Variants in COL23A1 observed in about 807,000 individuals in gnomAD.
COL23A1 encodes collagen type XXIII alpha 1 chain.
In COL23A1, 97 loss-of-function variants were observed where a neutral mutation model predicts 99.3. That is an observed-to-expected ratio of 0.98 (90% confidence interval 0.83 to 1.16). COL23A1 has a LOEUF of 1.16. Ranked by LOEUF, COL23A1 falls within the 50% of genes most tolerant of loss-of-function variation. COL23A1 has a pLI of 0.00. For missense variants in COL23A1, 762 were observed against 757.4 expected, an observed-to-expected ratio of 1.01 and a Z score of -0.07; for synonymous variants, 320 against 308.2, an observed-to-expected ratio of 1.04 and a Z score of -0.40.
intron 1 of COL23A1, among the ~76,000 whole-genome samples, chr5:178,583,868 A>C (rs1000867654): frequency 1.4e-4 from 21 of 152,050 alleles, no homozygotes; most frequent in Non-Finnish European, 2.4e-4. Context: ...TTTCTCCCCA[A>C]TTTTTATTTG....
chr5:178,333,467 C>T (rs1334848642), intron 2 of COL23A1, among the ~76,000 whole-genome samples: 9 of 152,144 alleles, frequency 5.9e-5, no homozygotes, highest in Admixed American at 1.3e-4. Context: ...TATCTCTGTC[C>T]CTTATCCAGG....
At chr5:178,288,173 A>G in intron 5 of COL23A1, 151 bp downstream of exon 5, 1 of 802,968 alleles carries the variant, frequency 1.2e-6, no homozygotes, top group Non-Finnish European at 2.2e-6. Flanking sequence ...TTACCTCCCC[A>G]GAGCTCACGC....
intron 2 of COL23A1, among the ~76,000 whole-genome samples, chr5:178,548,540 T>A (rs1353169053): frequency 7.0e-6 from 1 of 142,430 alleles, no homozygotes; most frequent in African/African-American, 2.6e-5. Flanking sequence ...CCTATCCACA[T>A]CCTTTGCCTA....
Position 178,309,907 on chromosome 5 carries a change from C to T in COL23A1, c.362-2988G>A, listed in dbSNP as rs1270358371. ...TGTCCCCAACTCCCACTGCAGGACACGACCAAGTGATGTGTGTTCAGGGGA... is the reference window on the plus strand; with the variant it reads ...TGTCCCCAACTCCCACTGCAGGACATGACCAAGTGATGTGTGTTCAGGGGA... On this transcript the variant is annotated intron_variant, in intron 2 of 28. Coordinates refer to ENST00000390654, the MANE Select transcript of COL23A1 (RefSeq NM_173465.4). The surrounding 1 kb of genome is among the most constrained non-coding windows in gnomAD (Gnocchi z 4.7). Among the ~76,000 whole-genome samples, 4 of 150,046 alleles carry T rather than the reference C, an allele frequency of 2.7e-5. No individual in the cohort carries two copies. The highest frequency in any genetic ancestry group is 4.4e-5 in the Non-Finnish European group (3 of 67,596).
intron 2 of COL23A1, among the ~76,000 whole-genome samples, chr5:178,380,101 C>A (rs1161743689): frequency 6.6e-6 from 1 of 151,364 alleles, no homozygotes; most frequent in Non-Finnish European, 1.5e-5. Context: ...GATCTATACA[C>A]AAAATTCTAC....
At position 178,590,231 on chromosome 5, in the gene COL23A1, G is replaced by A. The variant is rs1764202705; in HGVS notation, c.-34C>T. 1 of 1,208,588 alleles carries A rather than the reference G, an allele frequency of 8.3e-7. No homozygotes were observed. Among genetic ancestry groups the A allele is most frequent in the Non-Finnish European group, 1.0e-6 (1 of 972,390 alleles). The allele number at this position is 1,208,588 out of a possible 1,614,324, so 74.9% of individuals were successfully genotyped here. On this transcript the variant is annotated 5_prime_UTR_variant, in exon 1 of 29. Coordinates refer to ENST00000390654, the MANE Select transcript of COL23A1 (RefSeq NM_173465.4). This position sits in a 1 kb window ranked among gnomAD's most constrained non-coding sequence, Gnocchi z 5.7. The stretch of plus-strand genomic sequence containing the variant: ...CGTCGCGCGTGGACTCTCCGAGGGG[G>A]CGGTGCTGCTGGGGCAGAGGCTGGG...
Position 178,307,086 on chromosome 5 carries a change from C to T in COL23A1, c.362-167G>A, listed in dbSNP as rs1218494298. 6.6e-6 allele frequency among the ~76,000 whole-genome samples: 1 copy of T among 152,126 alleles called. No homozygotes were observed. Among genetic ancestry groups the T allele is most frequent in the Non-Finnish European group, 1.5e-5 (1 of 68,008 alleles). On this transcript the variant is annotated intron_variant, in intron 2 of 28. Transcript: ENST00000390654. This position sits in a 1 kb window ranked among gnomAD's most constrained non-coding sequence, Gnocchi z 4.2. ...GGGGGAGATGCGTGGGGAGAAACCCCTTCCTTCTGCCACTACCTCGCCTGT... is the reference window on the plus strand; with the variant it reads ...GGGGGAGATGCGTGGGGAGAAACCCTTTCCTTCTGCCACTACCTCGCCTGT...
intron 2 of COL23A1, among the ~76,000 whole-genome samples, chr5:178,381,156 C>A (rs10040822): frequency 0.019 from 2,908 of 152,348 alleles, 100 homozygotes; most frequent in African/African-American, 0.066. Flanking sequence ...TCATCCACTC[C>A]ACCTGTGAGG....
intron 5 of COL23A1, 121 bp from the exon 6 acceptor site, chr5:178,270,484 G>T (rs368094332): frequency 8.2e-7 from 1 of 1,212,280 alleles, no homozygotes; most frequent in East Asian, 2.5e-5. Flanking sequence ...CCCGCGTCTG[G>T]GTTCAGTCCA....
rs551595992 is a variant in COL23A1, at chr5:178,495,577, T to C, written c.361+65105A>G. 3.9e-5 allele frequency among the ~76,000 whole-genome samples: 6 copies of C among 151,988 alleles called. 1 individual carries two copies. The South Asian group carries it at 1.2e-3, about 32-fold the overall frequency. ...GAGTTGACTGTAGGGCACCAATGCA[T>C]GGAAAACAGACTGGGAAGGAATTTG... On this transcript the variant is annotated intron_variant, in intron 2 of 28. Transcript: ENST00000390654.
At chr5:178,503,788 T>C (rs1758712101) in intron 2 of COL23A1, among the ~76,000 whole-genome samples, 1 of 151,900 alleles carries the variant, frequency 6.6e-6, no homozygotes, top group African/African-American at 2.4e-5. Context: ...TTCTGTGAAT[T>C]TGAAATTATT....
chr5:178,318,253 G>A (rs1759082939), intron 2 of COL23A1, among the ~76,000 whole-genome samples: 1 of 152,246 alleles, frequency 6.6e-6, no homozygotes, highest in Non-Finnish European at 1.5e-5. Flanking sequence ...CAGAAGCACT[G>A]CCTTTTGAAA....
chr5:178,489,383 T>C (rs56108725), intron 2 of COL23A1, among the ~76,000 whole-genome samples: 33,170 of 152,250 alleles, frequency 0.22, 4,025 homozygotes, highest in Middle Eastern at 0.28. Context: ...TCGGCTCCCC[T>C]GGTTCTGAGG....
intron 2 of COL23A1, among the ~76,000 whole-genome samples, chr5:178,496,757 G>A (rs1309241028): frequency 2.6e-5 from 4 of 152,044 alleles, no homozygotes; most frequent in Admixed American, 6.5e-5. Context: ...CTGGCAGCTT[G>A]GGCAAAAAGG....
At chr5:178,472,975 T>G (rs1756836224) in intron 2 of COL23A1, among the ~76,000 whole-genome samples, 1 of 151,910 alleles carries the variant, frequency 6.6e-6, no homozygotes, top group Non-Finnish European at 1.5e-5. Context: ...AATTAAAAAA[T>G]TAGCGGATGT....
rs770194696 is a variant in COL23A1 at position 178,358,485 on chromosome 5, ATG to A, written c.362-51568_362-51567del. On this transcript the variant is annotated intron_variant, in intron 2 of 28. Transcript: ENST00000390654. Reference sequence around the variant, plus strand: ...TATGTGTATGTGCGTATGCGTATATATGTGTGTGTATGCGTGTATATGTGTGT... The same window carrying A: ...TATGTGTATGTGCGTATGCGTATATATGTGTGTATGCGTGTATATGTGTGT... 1.2e-3 allele frequency among the ~76,000 whole-genome samples: 166 copies of A among 133,126 alleles called. 2 individuals are homozygous for A. The highest frequency in any genetic ancestry group is 2.9e-3 in the Admixed American group (37 of 12,798). 87.3% of individuals were successfully genotyped at this position (133,126 alleles called of 152,430 possible). A position where few individuals can be genotyped will look rare whatever the true frequency, so the allele number is the denominator to read the frequency against.
At position 178,281,018 on chromosome 5, in the gene COL23A1, G is replaced by A. The variant is rs1466557909; in HGVS notation, c.441+7306C>T. The stretch of plus-strand genomic sequence containing the variant: ...AAGAGGCTGGACTCAAGAGACTTAG[G>A]GCCCTGGGGAGAACGGCCAGCATGG... On this transcript the variant is annotated intron_variant, in intron 5 of 28. Transcript: ENST00000390654. The surrounding 1 kb of genome is among the most constrained non-coding windows in gnomAD (Gnocchi z 4.0). Among the ~76,000 whole-genome samples the A allele has an allele frequency of 6.6e-6, 1 of 152,168 alleles. No individual in the cohort carries two copies. Among genetic ancestry groups the A allele is most frequent in the African/African-American group, 2.4e-5 (1 of 41,446 alleles).
At chr5:178,279,901 G>C (rs973800671) in intron 5 of COL23A1, among the ~76,000 whole-genome samples, 1 of 152,158 alleles carries the variant, frequency 6.6e-6, no homozygotes, top group African/African-American at 2.4e-5. Context: ...CCCTGGCCAC[G>C]AGGCATAGTG....
chr5:178,569,154 C>G (rs944855830), intron 1 of COL23A1, among the ~76,000 whole-genome samples: 6 of 152,226 alleles, frequency 3.9e-5, no homozygotes, highest in African/African-American at 1.4e-4. Flanking sequence ...CAAATGATGT[C>G]GAGATACTTT....
Sources: gnomAD v4.1 joint callset for allele counts (sites outside exome capture counted in the v4.1 genomes callset) on GRCh38, gnomAD v4.1.1 for gene constraint, Gnocchi (gnomAD v3.1) non-coding constraint, MANE v1.5 for transcripts, NCBI Gene and HGNC (gene_info 2026-07-23, HGNC 2026-07-21) for gene names.